The following HRH1 variants were observed in gnomAD, a reference collection of about 807,000 sequenced individuals.
HRH1 encodes histamine H1 receptor.
HRH1 carries 6 observed loss-of-function variants against 10.3 expected under a neutral mutation model. The observed-to-expected ratio is 0.58, with a 90% confidence interval of 0.32 to 1.15. The LOEUF is 1.15. Among genes scored for constraint, HRH1 ranks in the 50% most tolerant of loss-of-function variants. HRH1 has a pLI of 0.05. For missense variants in HRH1, 514 were observed against 615.3 expected (o/e 0.84, Z 1.74); for synonymous variants, 242 against 236.7 (o/e 1.02, Z -0.21).
intron 1 of HRH1, among the ~76,000 whole-genome samples, chr3:11,203,961 G>A (rs547288536): frequency 6.6e-6 from 1 of 152,270 alleles, no homozygotes; most frequent in South Asian, 2.1e-4. Flanking sequence ...AATATTGGGG[G>A]TTCCTATCCA....
intron 1 of HRH1, among the ~76,000 whole-genome samples, chr3:11,254,811 G>C (rs1175342993): frequency 6.6e-6 from 1 of 152,194 alleles, no homozygotes; most frequent in Non-Finnish European, 1.5e-5. Context: ...TCTGCAGAAG[G>C]GTGCAGCTTG....
At chr3:11,140,797 C>T (rs943330761) in intron 1 of HRH1, among the ~76,000 whole-genome samples, 1 of 152,088 alleles carries the variant, frequency 6.6e-6, no homozygotes, top group Admixed American at 6.5e-5. Context: ...CGCTTACCTG[C>T]CAGGTGTGAT....
intron 1 of HRH1, among the ~76,000 whole-genome samples, chr3:11,250,789 C>T (rs1043051660): frequency 1.3e-5 from 2 of 152,152 alleles, no homozygotes; most frequent in African/African-American, 2.4e-5. Context: ...ATAGGCCTTT[C>T]GACTCTCCCT....
chr3:11,221,900 T>C (rs550240797), intron 1 of HRH1, among the ~76,000 whole-genome samples: 1 of 152,218 alleles, frequency 6.6e-6, no homozygotes, highest in Non-Finnish European at 1.5e-5. Flanking sequence ...TCAAGGTTCA[T>C]CCAGGTGATA....
At chr3:11,153,231 T>C (rs1272036784), upstream of HRH1, among the ~76,000 whole-genome samples, 3 of 152,182 alleles carry the variant, frequency 2.0e-5, no homozygotes, top group Non-Finnish European at 4.4e-5. Context: ...GGGATAATAA[T>C]AGTTCCTACC....
In HRH1 at chr3:11,198,774, T is replaced by C. The variant is rs561132256; in HGVS notation, c.-36+44220T>C. 9.0e-4 allele frequency among the ~76,000 whole-genome samples: 136 copies of C among 151,414 alleles called. 1 individual carries two copies. The highest frequency in any genetic ancestry group is 2.9e-3 in the African/African-American group (120 of 41,212). On this transcript the variant is annotated intron_variant, in intron 1 of 1. Coordinates refer to ENST00000431010, the MANE Select transcript of HRH1 (RefSeq NM_001098212.2). ...AAAATGGGCGGACTGTTTGAGCTGA[T>C]AATCTTCATAATAACCATAAGAAGA...
intron 1 of HRH1, among the ~76,000 whole-genome samples, chr3:11,148,094 C>CG (rs1936498129): frequency 6.6e-6 from 1 of 151,366 alleles, no homozygotes; most frequent in Non-Finnish European, 1.5e-5. Context: ...GCAGGAGAAA[C>CG]GCTTGAACCC....
At chr3:11,256,120 C>T (rs1008379640) in intron 1 of HRH1, among the ~76,000 whole-genome samples, 5 of 152,044 alleles carry the variant, frequency 3.3e-5, no homozygotes, top group East Asian at 3.9e-4. Context: ...ATGAGATCCC[C>T]GAGGCCGACA....
At chr3:11,209,026 G>C (rs142061552) in intron 1 of HRH1, among the ~76,000 whole-genome samples, 6 of 152,238 alleles carry the variant, frequency 3.9e-5, no homozygotes, top group African/African-American at 1.4e-4. Flanking sequence ...TATTGCCCAC[G>C]TAGATGCTAA....
At chr3:11,155,676 A>G (rs1471407159) in intron 1 of HRH1, among the ~76,000 whole-genome samples, 2 of 152,188 alleles carry the variant, frequency 1.3e-5, no homozygotes, top group East Asian at 3.9e-4. Flanking sequence ...TCAGGCTGGA[A>G]GGTGCCTGAA....
intron 1 of HRH1, among the ~76,000 whole-genome samples, chr3:11,222,900 G>A (rs965214666): frequency 2.0e-5 from 3 of 152,042 alleles, no homozygotes; most frequent in Admixed American, 6.6e-5. Context: ...AAATGCAGAC[G>A]CTCCAGCCGG....
At chr3:11,161,433 G>A (rs566131365) in intron 1 of HRH1, among the ~76,000 whole-genome samples, 3 of 152,200 alleles carry the variant, frequency 2.0e-5, no homozygotes, top group African/African-American at 7.2e-5. Context: ...CCTTGCCCTC[G>A]GCCCAGGTGA....
chr3:11,219,152 G>A (rs149147698), intron 1 of HRH1, among the ~76,000 whole-genome samples: 3,525 of 152,176 alleles, frequency 0.023, 134 homozygotes, highest in African/African-American at 0.078. Flanking sequence ...GCCTCTTAAA[G>A]TGCTGGGATT....
At chr3:11,236,842 T>G (rs1435637843) in intron 1 of HRH1, among the ~76,000 whole-genome samples, 1 of 152,180 alleles carries the variant, frequency 6.6e-6, no homozygotes, top group Non-Finnish European at 1.5e-5. Context: ...TGCAGGCAGG[T>G]GTCCATCAGG....
chr3:11,235,312 G>T lies in HRH1; in HGVS notation c.-35-23691G>T, dbSNP rs564433544. On this transcript the variant is annotated intron_variant, in intron 1 of 1. Coordinates refer to ENST00000431010, the MANE Select transcript of HRH1 (RefSeq NM_001098212.2). ...GAAATTTTAGGTATTATAAGACCTA[G>T]GATCATATTTAAATCTCCTGATTTA... Among the ~76,000 whole-genome samples, 13 of 152,290 alleles carry T rather than the reference G, an allele frequency of 8.5e-5. No individual in the cohort carries two copies. In the East Asian group the frequency reaches 2.5e-3, roughly 29 times the overall value.
intron 1 of HRH1, among the ~76,000 whole-genome samples, chr3:11,211,049 A>G (rs530529046): frequency 6.6e-6 from 1 of 152,354 alleles, no homozygotes; most frequent in African/African-American, 2.4e-5. Flanking sequence ...TACCTTCTAG[A>G]TGGATTAAGG....
rs543958195 is a variant in HRH1, at chr3:11,257,416, C to T, written c.-35-1587C>T. Among the ~76,000 whole-genome samples, 22 of 151,334 alleles carry T rather than the reference C, an allele frequency of 1.5e-4. No homozygotes were observed. The South Asian group carries it at 4.0e-3, about 27-fold the overall frequency. On this transcript the variant is annotated intron_variant, in intron 1 of 1. Transcript: ENST00000431010. ...ACTAAAAAAATACAAAAAAAATAGC[C>T]GGGTGTGGTGGCACACTCCTGTAAT...
At chr3:11,190,699 A>AAAAAATTTT (rs891828488) in intron 1 of HRH1, among the ~76,000 whole-genome samples, 2 of 152,132 alleles carry the variant, frequency 1.3e-5, no homozygotes, top group African/African-American at 2.4e-5. Flanking sequence ...GGCTAAAAAA[A>AAAAAATTTT]AAAAATTTTA....
At chr3:11,221,956 A>G (rs1239315470) in intron 1 of HRH1, among the ~76,000 whole-genome samples, 2 of 152,194 alleles carry the variant, frequency 1.3e-5, no homozygotes, top group African/African-American at 4.8e-5. Flanking sequence ...AAAATATTCC[A>G]TGGTATGTGA....
Sources: gnomAD v4.1 joint callset for allele counts (sites outside exome capture counted in the v4.1 genomes callset) on GRCh38, gnomAD v4.1.1 for gene constraint, MANE v1.5 for transcripts, NCBI Gene and HGNC (gene_info 2026-07-23, HGNC 2026-07-21) for gene names.